The following SLC14A2 variants were observed in gnomAD, a reference collection of about 807,000 sequenced individuals.
The protein encoded by SLC14A2 is urea transporter 2.
Under a neutral mutation model 104.6 loss-of-function variants are expected in SLC14A2, and 91 were observed. That is an observed-to-expected ratio of 0.87 (90% CI 0.73 to 1.04). The LOEUF (loss-of-function observed/expected upper bound fraction) is 1.04, where lower values mean the gene tolerates loss of function less well. Ranked by LOEUF, SLC14A2 falls within the 50% of genes least tolerant of loss-of-function variation. The pLI is 0.00. For missense variants in SLC14A2, 1,189 were observed against 1,156.0 expected (o/e 1.03, Z -0.41); for synonymous variants, 476 against 466.4 (o/e 1.02, Z -0.27).
At chr18:45,409,432 C>A (rs2086190987) in intron 1 of SLC14A2, among the ~76,000 whole-genome samples, 1 of 152,150 alleles carries the variant, frequency 6.6e-6, no homozygotes, top group African/African-American at 2.4e-5. Flanking sequence ...AATCTTCATT[C>A]TTGAGTCTGT....
rs1437559920 is a variant in SLC14A2 at position 45,643,182 on chromosome 18, G to GT, written c.1176+2dup. The GT allele has an allele frequency of 6.2e-7, 1 of 1,613,602 alleles. No homozygotes were observed. Among genetic ancestry groups the GT allele is most frequent in the African/African-American group, 1.3e-5 (1 of 74,928 alleles). ...AGCCATCTCCAACATCATGTCAGTG[G>GT]TAAGTGTGGATTCTCCTGAACACTA... is the stretch of plus-strand genomic sequence containing the variant. On this transcript the variant is annotated splice_donor_variant, in intron 9 of 19. Transcript: ENST00000255226. LOFTEE classifies it high-confidence loss of function.
intron 2 of SLC14A2, among the ~76,000 whole-genome samples, chr18:45,533,482 G>T (rs2043732032): frequency 6.6e-6 from 1 of 152,220 alleles, no homozygotes; most frequent in South Asian, 2.1e-4. Flanking sequence ...AAGTTGATTT[G>T]CATAGAGGTG....
chr18:45,594,908 G>A lies in SLC14A2; in HGVS notation c.-34-29723G>A, dbSNP rs183889965. 6.6e-5 allele frequency among the ~76,000 whole-genome samples: 10 copies of A among 152,118 alleles called. No individual in the cohort carries two copies. In the East Asian group the frequency reaches 9.7e-4, roughly 15 times the overall value. On this transcript the variant is annotated intron_variant, in intron 2 of 20. Coordinates refer to the SLC14A2 transcript ENST00000586448. The stretch of plus-strand genomic sequence containing the variant: ...GAACAGAATCCCACCAGGCAACTAC[G>A]CATGCCACACCTGCACAACTTCCCC...
rs868313299 is a variant in SLC14A2 at position 45,228,171 on chromosome 18, A to C, written c.-125+14980A>C. Among the ~76,000 whole-genome samples, 5 of 152,340 alleles carry C rather than the reference A, an allele frequency of 3.3e-5. No individual in the cohort carries two copies. The Middle Eastern group carries it at 0.01, about 311-fold the overall frequency. On this transcript the variant is annotated intron_variant, in intron 1 of 20. Transcript: ENST00000586448. ...TAGGTGACAGGATGTGGGATGATTT[A>C]GTATTATTACAACATTTTCATGAAA...
At chr18:45,458,965 C>T (rs919977113) in intron 1 of SLC14A2, among the ~76,000 whole-genome samples, 2 of 152,098 alleles carry the variant, frequency 1.3e-5, no homozygotes, top group African/African-American at 4.8e-5. Flanking sequence ...AATAGGACAA[C>T]GATAATAAGG....
chr18:45,225,266 T>C (rs2084103236), intron 1 of SLC14A2, among the ~76,000 whole-genome samples: 1 of 152,186 alleles, frequency 6.6e-6, no homozygotes, highest in Non-Finnish European at 1.5e-5. Flanking sequence ...CCCCATTTCT[T>C]GTTTTTGTCA....
At chr18:45,310,116 T>G (rs1035256799) in intron 1 of SLC14A2, among the ~76,000 whole-genome samples, 1 of 152,222 alleles carries the variant, frequency 6.6e-6, no homozygotes, top group Non-Finnish European at 1.5e-5. Flanking sequence ...TTACTGTCGA[T>G]GGACATTTAG....
chr18:45,632,478 G>C lies in SLC14A2; in HGVS notation c.650G>C (p.Cys217Ser). 1 of 1,612,962 alleles carries C rather than the reference G, an allele frequency of 6.2e-7. No homozygotes were observed. ...CCTGTGACCTTCACAGCCATGTCCTGGTGAGGCACCTCATTTTTTCTGCTC... is the reference window on the plus strand; with the variant it reads ...CCTGTGACCTTCACAGCCATGTCCTCGTGAGGCACCTCATTTTTTCTGCTC... ...LFPVTFTAMS[C>S]PVLSSALNSI... The change falls in exon 5 of 20, where the codon TGC (cysteine) becomes TCC (serine). Residue 217 changes from cysteine to serine, a missense_variant and splice_region_variant. By Grantham distance (112) the Cys-to-Ser change is moderately radical. Transcript: ENST00000255226.
chr18:45,312,029 A>G (rs949169680), intron 1 of SLC14A2, among the ~76,000 whole-genome samples: 2 of 152,210 alleles, frequency 1.3e-5, no homozygotes, highest in Admixed American at 1.3e-4. Context: ...TCCTCATGCC[A>G]TTGAGTCCAC....
intron 1 of SLC14A2, among the ~76,000 whole-genome samples, chr18:45,222,354 G>C (rs1164349277): frequency 6.6e-6 from 1 of 152,182 alleles, no homozygotes; most frequent in South Asian, 2.1e-4. Context: ...TCTGCATTTG[G>C]CGTGAGTCCT....
chr18:45,461,068 T>C (rs1254395283), intron 1 of SLC14A2, among the ~76,000 whole-genome samples: 1 of 152,166 alleles, frequency 6.6e-6, no homozygotes, highest in Non-Finnish European at 1.5e-5. Context: ...TTTTCTACAA[T>C]TCCTTTTCAT....
At position 45,625,522 on chromosome 18, in the gene SLC14A2, T is replaced by A. The variant is rs540796531; in HGVS notation, c.151-161T>A. On this transcript the variant is annotated intron_variant, in intron 2 of 19. Transcript: ENST00000255226. ...CATGGTCCTGGGAAGAACAGGCTTGTACGGGGCACTCTATGCAGCCGCAGA... is the reference window on the plus strand; with the variant it reads ...CATGGTCCTGGGAAGAACAGGCTTGAACGGGGCACTCTATGCAGCCGCAGA... 5.3e-5 allele frequency among the ~76,000 whole-genome samples: 8 copies of A among 152,310 alleles called. No homozygotes were observed. In the South Asian group the frequency reaches 1.7e-3, roughly 32 times the overall value.
chr18:45,631,835 G>A (rs1180971409), intron 4 of SLC14A2, among the ~76,000 whole-genome samples: 3 of 152,156 alleles, frequency 2.0e-5, no homozygotes, highest in Admixed American at 2.0e-4. Flanking sequence ...TGCCCAGGCT[G>A]GTTGAACTCC....
intron 2 of SLC14A2, among the ~76,000 whole-genome samples, chr18:45,575,572 G>A (rs2044407058): frequency 6.6e-6 from 1 of 152,170 alleles, no homozygotes; most frequent in South Asian, 2.1e-4. Context: ...GTGAGCACTT[G>A]TGCTCTCCTT....
intron 1 of SLC14A2, among the ~76,000 whole-genome samples, chr18:45,337,791 A>G (rs2085350896): frequency 6.6e-6 from 1 of 152,186 alleles, no homozygotes; most frequent in Admixed American, 6.5e-5. Flanking sequence ...AGAAATCAAA[A>G]TATGTAACCC....
chr18:45,397,915 T>C lies in SLC14A2; in HGVS notation c.-124-85318T>C, dbSNP rs149275849. On this transcript the variant is annotated intron_variant, in intron 1 of 20. Transcript: ENST00000586448. ...CCAGCCCATGACAAGCCCTCAAGTA[T>C]GAGTAATGATGTGATTATGATATAA... Among the ~76,000 whole-genome samples the C allele has an allele frequency of 3.0e-3, 435 of 145,786 alleles. 1 individual carries two copies. The highest frequency in any genetic ancestry group is 0.01 in the African/African-American group (417 of 39,976).
intron 1 of SLC14A2, among the ~76,000 whole-genome samples, chr18:45,248,260 G>T (rs1157919517): frequency 2.0e-5 from 3 of 152,072 alleles, no homozygotes; most frequent in Non-Finnish European, 2.9e-5. Context: ...ACAGAAAAAA[G>T]TCATAGTCAT....
intron 2 of SLC14A2, among the ~76,000 whole-genome samples, chr18:45,484,292 T>C (rs2087554534): frequency 6.6e-6 from 1 of 152,156 alleles, no homozygotes; most frequent in Non-Finnish European, 1.5e-5. Flanking sequence ...CATACCTCAC[T>C]GGTGAAAACT....
At chr18:45,497,223 C>T (rs537495493) in intron 2 of SLC14A2, among the ~76,000 whole-genome samples, 12 of 152,176 alleles carry the variant, frequency 7.9e-5, no homozygotes, top group Non-Finnish European at 1.5e-4. Flanking sequence ...GCTCTTTCCT[C>T]ACTATACCCT....
Sources: allele counts gnomAD v4.1 joint callset (sites outside exome capture counted in the v4.1 genomes callset), GRCh38; gene constraint gnomAD v4.1.1; transcripts MANE v1.5; gene names NCBI Gene and HGNC (gene_info 2026-07-23, HGNC 2026-07-21).